The following NELL2 variants were observed in gnomAD, a reference collection of about 807,000 sequenced individuals.
NELL2 encodes protein kinase C-binding protein NELL2.
A neutral mutation model predicts 109.6 loss-of-function variants in NELL2; 41 were observed. The ratio of observed to expected loss-of-function variants is 0.37; its 90% CI spans 0.29 to 0.49. NELL2 has a LOEUF of 0.49. Among genes scored for constraint, NELL2 ranks in the 20% least tolerant of loss-of-function variants. The pLI is 0.98. For missense variants in NELL2, 900 were observed against 1,008.3 expected (o/e 0.89, Z 1.45); for synonymous variants, 355 against 344.7 (o/e 1.03, Z -0.33).
intron 9 of NELL2, among the ~76,000 whole-genome samples, chr12:44,733,579 A>G (rs1939485316): frequency 6.6e-6 from 1 of 151,992 alleles, no homozygotes; most frequent in South Asian, 2.1e-4. Context: ...AGGAGTTTCT[A>G]TTCAATGGTT....
chr12:44,732,661 T>C (rs755151359), intron 9 of NELL2, among the ~76,000 whole-genome samples: 14 of 151,984 alleles, frequency 9.2e-5, no homozygotes, highest in Admixed American at 2.6e-4. Context: ...TTTCTGGATA[T>C]GATGCCAAAG....
chr12:44,703,593 TTAATATGCTTCAA>T, intron 12 of NELL2, 120 bp downstream of exon 12: 1 of 911,396 alleles, frequency 1.1e-6, no homozygotes, highest in Non-Finnish European at 1.7e-6. Flanking sequence ...TTTTAGCTGA[TTAATATGCTTCAA>T]ATTAAATTCA....
At chr12:44,638,441 T>C (rs978553191) in intron 13 of NELL2, among the ~76,000 whole-genome samples, 12 of 152,128 alleles carry the variant, frequency 7.9e-5, no homozygotes, top group Non-Finnish European at 1.5e-5. Context: ...CTTCAGAACA[T>C]TACCTAGCTA....
In NELL2 at chr12:44,748,659, T is replaced by C. The variant is rs1419570548; in HGVS notation, c.994+26088A>G. On this transcript the variant is annotated intron_variant, in intron 9 of 19. Transcript: ENST00000429094. Reference sequence around the variant, plus strand: ...ATGGCACCATAATTAAATTAAATACTTTGCTTATTAAATAGGATTAGAAAC... The same window carrying C: ...ATGGCACCATAATTAAATTAAATACCTTGCTTATTAAATAGGATTAGAAAC... 1.3e-5 allele frequency among the ~76,000 whole-genome samples: 2 copies of C among 152,146 alleles called. 1 individual carries two copies. The highest frequency in any genetic ancestry group is 2.9e-5 in the Non-Finnish European group (2 of 68,016).
At chr12:44,564,204 A>C in intron 15 of NELL2, among the ~76,000 whole-genome samples, 1 of 152,218 alleles carries the variant, frequency 6.6e-6, no homozygotes, top group East Asian at 1.9e-4. Flanking sequence ...AATTCAGGTC[A>C]GTAGGGGAAT....
At chr12:44,741,479 C>T (rs71459265) in intron 9 of NELL2, among the ~76,000 whole-genome samples, 4 of 152,144 alleles carry the variant, frequency 2.6e-5, no homozygotes, top group African/African-American at 7.2e-5. Flanking sequence ...TGCAGTGCAC[C>T]GGGCGTGAGC....
intron 1 of NELL2, among the ~76,000 whole-genome samples, chr12:44,882,498 A>G (rs531746034): frequency 6.6e-6 from 1 of 151,094 alleles, no homozygotes; most frequent in East Asian, 2.0e-4. Context: ...ACACATATAC[A>G]CACACACGCA....
intron 1 of NELL2, among the ~76,000 whole-genome samples, chr12:44,885,587 A>T (rs1287366068): frequency 6.6e-6 from 1 of 151,974 alleles, no homozygotes; most frequent in Non-Finnish European, 1.5e-5. Context: ...TACAGGCAAG[A>T]TTTTACACAA....
intron 15 of NELL2, among the ~76,000 whole-genome samples, chr12:44,548,500 G>A (rs540378003): frequency 3.2e-4 from 48 of 150,600 alleles, no homozygotes; most frequent in South Asian, 2.9e-3. Context: ...AGCTGACATC[G>A]CACCACTGCA....
In NELL2 at chr12:44,896,507, C is replaced by T. The variant is rs73283021; in HGVS notation, c.38+17292G>A. 5.8e-3 allele frequency among the ~76,000 whole-genome samples: 884 copies of T among 152,198 alleles called. 6 individuals carry two copies. The highest frequency in any genetic ancestry group is 0.02 in the African/African-American group (841 of 41,520). ...GAGGTGTACACAGGAGTACTGAAAG[C>T]TAAAGTGGTGTATATTTCCAAGGGC... On this transcript the variant is annotated intron_variant, in intron 1 of 20. Coordinates refer to the NELL2 transcript ENST00000333837.
intron 9 of NELL2, among the ~76,000 whole-genome samples, chr12:44,757,366 T>A (rs1186337393): frequency 6.6e-6 from 1 of 152,132 alleles, no homozygotes; most frequent in South Asian, 2.1e-4. Context: ...AATCATGTCA[T>A]ACTCCCGTTT....
At chr12:44,646,926 A>G (rs141371415) in intron 13 of NELL2, among the ~76,000 whole-genome samples, 112 of 152,326 alleles carry the variant, frequency 7.4e-4, no homozygotes, top group African/African-American at 2.6e-3. Flanking sequence ...TTCCTCATAC[A>G]TAAAATGGGG....
chr12:44,576,638 C>A (rs7304676), intron 15 of NELL2, among the ~76,000 whole-genome samples: 1 of 151,450 alleles, frequency 6.6e-6, no homozygotes, highest in Non-Finnish European at 1.5e-5. Context: ...CATGCTGGTG[C>A]GCTGCACCCA....
intron 13 of NELL2, among the ~76,000 whole-genome samples, chr12:44,658,877 C>CAA (rs58696965): frequency 9.3e-4 from 65 of 69,726 alleles, no homozygotes; most frequent in Non-Finnish European, 1.2e-3. Context: ...ACTCTGTCTC[C>CAA]AAAAAAAAAA....
At chr12:44,705,223 G>A (rs1937804417) in intron 11 of NELL2, among the ~76,000 whole-genome samples, 1 of 152,016 alleles carries the variant, frequency 6.6e-6, no homozygotes, top group South Asian at 2.1e-4. Context: ...CAACTATGAT[G>A]TATAGTAAAA....
intron 15 of NELL2, among the ~76,000 whole-genome samples, chr12:44,580,215 A>G (rs961044160): frequency 3.3e-5 from 5 of 152,098 alleles, no homozygotes; most frequent in Non-Finnish European, 5.9e-5. Context: ...TTAACTGTGT[A>G]ATGTCATTTT....
chr12:44,557,381 G>C (rs540642278), intron 15 of NELL2, among the ~76,000 whole-genome samples: 1 of 152,166 alleles, frequency 6.6e-6, no homozygotes, highest in Non-Finnish European at 1.5e-5. Context: ...GGGTAGAGAC[G>C]GGGCAGTAAC....
At chr12:44,826,807 G>A (rs960454351) in intron 2 of NELL2, among the ~76,000 whole-genome samples, 1 of 152,140 alleles carries the variant, frequency 6.6e-6, no homozygotes, top group Non-Finnish European at 1.5e-5. Flanking sequence ...CCAGGCCAAT[G>A]TGCTTCCTAT....
intron 1 of NELL2, among the ~76,000 whole-genome samples, chr12:44,897,792 C>T (rs921645510): frequency 6.6e-6 from 1 of 151,866 alleles, no homozygotes; most frequent in African/African-American, 2.4e-5. Flanking sequence ...GGAAAAGAGG[C>T]TGAAGCCAGG....
Sources: allele counts gnomAD v4.1 joint callset (sites outside exome capture counted in the v4.1 genomes callset), GRCh38; gene constraint gnomAD v4.1.1; transcripts MANE v1.5; gene names NCBI Gene and HGNC (gene_info 2026-07-23, HGNC 2026-07-21).